The following RAPGEF4 variants were observed in gnomAD, a reference collection of about 807,000 sequenced individuals.
RAPGEF4 encodes the protein Rap guanine nucleotide exchange factor 4.
RAPGEF4 carries 66 observed loss-of-function variants against 147.9 expected under a neutral mutation model. That is an observed-to-expected ratio of 0.45 (90% CI 0.37 to 0.55). RAPGEF4 has a LOEUF of 0.55. Ranked by LOEUF, RAPGEF4 falls within the 20% of genes least tolerant of loss-of-function variation. The pLI, the probability that RAPGEF4 is intolerant of heterozygous loss-of-function variation, is 0.00. For missense variants in RAPGEF4, 1,071 were observed against 1,257.3 expected (o/e 0.85, Z 2.24); for synonymous variants, 419 against 442.7 (o/e 0.95, Z 0.67).
chr2:172,828,389 C>T (rs1689920279), intron 4 of RAPGEF4, among the ~76,000 whole-genome samples: 2 of 152,182 alleles, frequency 1.3e-5, no homozygotes, highest in African/African-American at 2.4e-5. Flanking sequence ...ATAACAGCCC[C>T]TCAGTGTGAG....
intron 10 of RAPGEF4, among the ~76,000 whole-genome samples, chr2:172,972,848 A>G (rs541213296): frequency 6.6e-6 from 1 of 152,334 alleles, no homozygotes; most frequent in South Asian, 2.1e-4. Flanking sequence ...GAAACCACTG[A>G]CAAGAGTTAA....
upstream of RAPGEF4, among the ~76,000 whole-genome samples, chr2:172,735,616 G>C (rs1050833382): frequency 4.6e-5 from 7 of 152,016 alleles, no homozygotes; most frequent in African/African-American, 1.7e-4. Flanking sequence ...GTCTCCGAGG[G>C]ACGCAGCGGA....
At chr2:172,831,364 G>A (rs1041028179) in intron 4 of RAPGEF4, among the ~76,000 whole-genome samples, 2 of 137,696 alleles carry the variant, frequency 1.5e-5, no homozygotes, top group African/African-American at 5.4e-5. Context: ...TGCCTCCCGG[G>A]TTCAAGCAAT....
intron 6 of RAPGEF4, among the ~76,000 whole-genome samples, chr2:172,937,134 TCA>T (rs2150116414): frequency 6.6e-6 from 1 of 150,734 alleles, no homozygotes; most frequent in East Asian, 2.0e-4. Flanking sequence ...GGTAGGAGGA[TCA>T]CTCGAGCCCA....
chr2:172,843,985 C>T (rs186550707), intron 4 of RAPGEF4, among the ~76,000 whole-genome samples: 4 of 152,266 alleles, frequency 2.6e-5, no homozygotes, highest in Admixed American at 1.3e-4. Context: ...GTATTTTTGC[C>T]GTTAAATTGC....
intron 1 of RAPGEF4, among the ~76,000 whole-genome samples, chr2:172,746,431 C>A (rs1694773415): frequency 1.3e-5 from 2 of 152,110 alleles, no homozygotes; most frequent in Admixed American, 6.5e-5. Context: ...GGTAATGCTA[C>A]AGAACATAGC....
intron 5 of RAPGEF4, among the ~76,000 whole-genome samples, chr2:172,920,497 A>G (rs1684631114): frequency 6.6e-6 from 1 of 152,266 alleles, no homozygotes; most frequent in Non-Finnish European, 1.5e-5. Context: ...ACGTCTTTTA[A>G]TGTTAGACAG....
intron 17 of RAPGEF4, among the ~76,000 whole-genome samples, chr2:173,009,546 T>C (rs1190864904): frequency 6.6e-6 from 1 of 152,180 alleles, no homozygotes; most frequent in Admixed American, 6.5e-5. Flanking sequence ...GAAGTTTTTT[T>C]AGCTCTCATA....
intron 4 of RAPGEF4, among the ~76,000 whole-genome samples, chr2:172,867,125 C>T (rs560150232): frequency 3.3e-5 from 5 of 152,058 alleles, no homozygotes; most frequent in African/African-American, 9.6e-5. Context: ...GCGCCCACCA[C>T]CACACACAGC....
intron 8 of RAPGEF4, among the ~76,000 whole-genome samples, chr2:172,964,401 ATTTTTTTT>A (rs11374637): frequency 3.5e-5 from 4 of 115,158 alleles, no homozygotes; most frequent in South Asian, 6.1e-4. Flanking sequence ...TGCTCCTCCT[ATTTTTTTT>A]TTTTTTTTTT....
chr2:172,854,960 T>C (rs1407732357), intron 4 of RAPGEF4, among the ~76,000 whole-genome samples: 1 of 152,172 alleles, frequency 6.6e-6, no homozygotes, highest in Admixed American at 6.5e-5. Flanking sequence ...GCAGAAATGA[T>C]GGCCCTCCCT....
At chr2:172,793,699 A>G (rs887093147) in intron 1 of RAPGEF4, among the ~76,000 whole-genome samples, 5 of 152,246 alleles carry the variant, frequency 3.3e-5, no homozygotes, top group African/African-American at 1.2e-4. Context: ...AAAAGAAAAA[A>G]ATAGTTTATG....
intron 1 of RAPGEF4, among the ~76,000 whole-genome samples, chr2:172,742,853 G>A (rs1694424854): frequency 6.6e-6 from 1 of 152,170 alleles, no homozygotes. Context: ...CCTGCTGCCT[G>A]GTCTCCTGCA....
intron 4 of RAPGEF4, among the ~76,000 whole-genome samples, chr2:172,833,153 G>A (rs920459260): frequency 6.7e-5 from 10 of 148,224 alleles, no homozygotes; most frequent in African/African-American, 2.3e-4. Flanking sequence ...GCAATGAGCC[G>A]AGATCACGCC....
At chr2:172,845,192 T>C (rs1031456005) in intron 4 of RAPGEF4, among the ~76,000 whole-genome samples, 2 of 152,330 alleles carry the variant, frequency 1.3e-5, no homozygotes, top group African/African-American at 4.8e-5. Context: ...CTTTGAGTTA[T>C]GTGGGGACAG....
At chr2:173,028,458 G>A (rs1004233431) in intron 25 of RAPGEF4, among the ~76,000 whole-genome samples, 1 of 152,210 alleles carries the variant, frequency 6.6e-6, no homozygotes, top group African/African-American at 2.4e-5. Context: ...GAGGCAATCT[G>A]CACACAAATG....
chr2:172,963,130 AACTC>A (rs1396447664), intron 8 of RAPGEF4, among the ~76,000 whole-genome samples: 1 of 152,098 alleles, frequency 6.6e-6, no homozygotes, highest in Non-Finnish European at 1.5e-5. Flanking sequence ...ATCTCATGAG[AACTC>A]ACTCACTATC....
In RAPGEF4 at chr2:172,965,401, G is replaced by T. The variant is rs1459483122; in HGVS notation, c.699-161G>T. ...GCTTTTTTGGCTTGTATTAGCATTT[G>T]AGAACCTGAAGCTACCGCGTGTGGT... On this transcript the variant is annotated intron_variant, in intron 8 of 30. Transcript: ENST00000397081. 5 of 792,548 alleles carry T rather than the reference G, an allele frequency of 6.3e-6. 1 individual carries two copies. The highest frequency in any genetic ancestry group is 1.7e-5 in the African/African-American group (1 of 58,116). The allele number at this position is 792,548 out of a possible 1,614,324, so 49.1% of individuals were successfully genotyped here.
chr2:172,864,477 A>AG (rs1694401907), intron 4 of RAPGEF4, among the ~76,000 whole-genome samples: 1 of 152,160 alleles, frequency 6.6e-6, no homozygotes, highest in African/African-American at 2.4e-5. Context: ...AGACCTGAGG[A>AG]ACCTCCAGTG....
Sources: gnomAD v4.1 joint callset for allele counts (sites outside exome capture counted in the v4.1 genomes callset) on GRCh38, gnomAD v4.1.1 for gene constraint, MANE v1.5 for transcripts, NCBI Gene and HGNC (gene_info 2026-07-23, HGNC 2026-07-21) for gene names.